The following PRKCA variants were observed in gnomAD, a reference collection of about 807,000 sequenced individuals.
PRKCA encodes the protein protein kinase C alpha type.
In PRKCA, 27 loss-of-function variants were observed where a neutral mutation model predicts 87.0. That is an observed-to-expected ratio of 0.31 (90% CI 0.23 to 0.43). The LOEUF is 0.43. Among genes scored for constraint, PRKCA ranks in the 20% least tolerant of loss-of-function variants. The pLI, the probability that PRKCA is intolerant of heterozygous loss-of-function variation, is 1.00. For synonymous variants in PRKCA, 329 were observed against 311.1 expected, an observed-to-expected ratio of 1.06 and a Z score of -0.61; for missense variants, 518 against 852.3, an observed-to-expected ratio of 0.61 and a Z score of 4.88.
At chr17:66,444,376 G>C (rs1296470402) in intron 2 of PRKCA, among the ~76,000 whole-genome samples, 1 of 152,194 alleles carries the variant, frequency 6.6e-6, no homozygotes, top group Non-Finnish European at 1.5e-5. Context: ...TGTCTTACAT[G>C]ATGGCCTGTC....
At chr17:66,431,081 A>G (rs1056793262) in intron 2 of PRKCA, among the ~76,000 whole-genome samples, 18 of 152,178 alleles carry the variant, frequency 1.2e-4, no homozygotes, top group Admixed American at 9.8e-4. Flanking sequence ...TCACACTGGA[A>G]AATTTATTCT....
intron 2 of PRKCA, among the ~76,000 whole-genome samples, chr17:66,334,112 G>A (rs991992414): frequency 3.9e-5 from 6 of 152,158 alleles, no homozygotes; most frequent in South Asian, 2.1e-4. Flanking sequence ...TTAGCCAGGC[G>A]TGGTGGCTCA....
chr17:66,426,830 A>G lies in PRKCA; in HGVS notation c.206-69371A>G, dbSNP rs552862681. On this transcript the variant is annotated intron_variant, in intron 2 of 16. Coordinates refer to ENST00000413366, the MANE Select transcript of PRKCA (RefSeq NM_002737.3). ...GCTGGATGTTGCCATGCGTGCATGTATCTCCTGGAGCAGTGGCAGCCATCC... is the reference window on the plus strand; with the variant it reads ...GCTGGATGTTGCCATGCGTGCATGTGTCTCCTGGAGCAGTGGCAGCCATCC... 2.0e-5 allele frequency among the ~76,000 whole-genome samples: 3 copies of G among 152,306 alleles called. 1 individual carries two copies. The highest frequency in any genetic ancestry group is 4.8e-5 in the African/African-American group (2 of 41,576).
At chr17:66,441,547 A>G (rs1233829185) in intron 2 of PRKCA, among the ~76,000 whole-genome samples, 1 of 152,092 alleles carries the variant, frequency 6.6e-6, no homozygotes, top group Non-Finnish European at 1.5e-5. Flanking sequence ...ATTTTTGTAC[A>G]TCTTCATACG....
intron 8 of PRKCA, among the ~76,000 whole-genome samples, chr17:66,719,965 C>T (rs1973573032): frequency 6.6e-6 from 1 of 152,240 alleles, no homozygotes; most frequent in African/African-American, 2.4e-5. Context: ...ATATACTCTA[C>T]TCATTGCTTC....
chr17:66,780,848 C>A (rs1052646887), intron 14 of PRKCA, among the ~76,000 whole-genome samples: 1 of 152,128 alleles, frequency 6.6e-6, no homozygotes, highest in Admixed American at 6.5e-5. Flanking sequence ...TGACACACAC[C>A]TGTAATCCCA....
At chr17:66,580,937 C>T (rs552584777) in intron 3 of PRKCA, among the ~76,000 whole-genome samples, 115 of 152,172 alleles carry the variant, frequency 7.6e-4, no homozygotes, top group Non-Finnish European at 1.4e-3. Flanking sequence ...TTGCCCCCCC[C>T]CATGCTCGAT....
At chr17:66,705,693 T>G (rs759116) in intron 8 of PRKCA, among the ~76,000 whole-genome samples, 16,346 of 152,090 alleles carry the variant, frequency 0.11, 1,084 homozygotes, top group African/African-American at 0.19. Flanking sequence ...CCACAGGGGA[T>G]GAGCAGGTAC....
intron 3 of PRKCA, chr17:66,640,933 G>A (rs1971277482): frequency 7.7e-6 from 3 of 387,934 alleles, no homozygotes; most frequent in South Asian, 1.9e-5. Context: ...GGCCAAGGCT[G>A]GTGCATCACC....
At chr17:66,413,752 G>C (rs192270618) in intron 2 of PRKCA, among the ~76,000 whole-genome samples, 1 of 152,164 alleles carries the variant, frequency 6.6e-6, no homozygotes, top group Non-Finnish European at 1.5e-5. Flanking sequence ...GGTGGTTCAC[G>C]TCAGTAATCC....
At chr17:66,691,382 A>G (rs1293245664) in intron 8 of PRKCA, among the ~76,000 whole-genome samples, 1 of 152,222 alleles carries the variant, frequency 6.6e-6, no homozygotes, top group East Asian at 1.9e-4. Flanking sequence ...AAAGAATGAG[A>G]TTCTTTTCAA....
intron 2 of PRKCA, among the ~76,000 whole-genome samples, chr17:66,405,011 A>G (rs1010437018): frequency 2.0e-5 from 3 of 151,912 alleles, no homozygotes; most frequent in Non-Finnish European, 4.4e-5. Flanking sequence ...CGGCCTCCCA[A>G]AGTGCTGGGA....
intron 3 of PRKCA, among the ~76,000 whole-genome samples, chr17:66,544,117 G>T (rs896723270): frequency 6.6e-6 from 1 of 152,086 alleles, no homozygotes; most frequent in African/African-American, 2.4e-5. Context: ...GGGGTGGTGG[G>T]GGGAGCTGAG....
At chr17:66,372,797 CT>C (rs1909193164) in intron 2 of PRKCA, among the ~76,000 whole-genome samples, 1 of 152,130 alleles carries the variant, frequency 6.6e-6, no homozygotes, top group African/African-American at 2.4e-5. Context: ...TGGCTCGCAC[CT>C]GTAATCCCAG....
At chr17:66,346,204 C>G (rs1476373821) in intron 2 of PRKCA, among the ~76,000 whole-genome samples, 1 of 150,966 alleles carries the variant, frequency 6.6e-6, no homozygotes, top group Non-Finnish European at 1.5e-5. Flanking sequence ...TCAGGCGATT[C>G]TCCTGCCTCA....
chr17:66,636,057 A>G (rs1201537379), intron 3 of PRKCA, among the ~76,000 whole-genome samples: 1 of 152,142 alleles, frequency 6.6e-6, no homozygotes, highest in Non-Finnish European at 1.5e-5. Flanking sequence ...CTCCATCCTC[A>G]GCATCCTTAG....
At chr17:66,658,487 T>TTAAAAA (rs1331416184) in intron 5 of PRKCA, among the ~76,000 whole-genome samples, 14 of 117,056 alleles carry the variant, frequency 1.2e-4, no homozygotes, top group African/African-American at 4.3e-4. Context: ...AACTCTGTCT[T>TTAAAAA]CAAAAACAAC....
At chr17:66,325,742 G>A (rs1398822205) in intron 2 of PRKCA, among the ~76,000 whole-genome samples, 2 of 152,114 alleles carry the variant, frequency 1.3e-5, no homozygotes, top group Non-Finnish European at 1.5e-5. Flanking sequence ...AGCTTACTCC[G>A]AATCCTTTGA....
intron 2 of PRKCA, among the ~76,000 whole-genome samples, chr17:66,461,673 A>G (rs1340997632): frequency 6.6e-6 from 1 of 152,198 alleles, no homozygotes; most frequent in Admixed American, 6.5e-5. Context: ...CCAAAGATCA[A>G]TTTGTAATAG....
Sources: allele counts gnomAD v4.1 joint callset (sites outside exome capture counted in the v4.1 genomes callset), GRCh38; gene constraint gnomAD v4.1.1; transcripts MANE v1.5; gene names NCBI Gene and HGNC (gene_info 2026-07-23, HGNC 2026-07-21).